Variants in HLA-DRB1 observed in about 807,000 individuals in gnomAD.
HLA-DRB1 encodes major histocompatibility complex, class II, DR beta 1.
In HLA-DRB1, 10 loss-of-function variants were observed where a neutral mutation model predicts 27.9. The ratio of observed to expected loss-of-function variants is 0.36; its 90% CI spans 0.22 to 0.61. HLA-DRB1 has a LOEUF of 0.61. Ranked by LOEUF, HLA-DRB1 falls within the 20% of genes least tolerant of loss-of-function variation. The pLI is 0.73. For synonymous variants in HLA-DRB1, 57 were observed against 126.7 expected (o/e 0.45, Z 3.69); for missense variants, 118 against 306.3 (o/e 0.39, Z 4.59).
Position 32,587,138 on chromosome 6 carries a change from T to G in HLA-DRB1, c.100+2505A>C, listed in dbSNP as rs1183302673. Among the ~76,000 whole-genome samples, 4 of 54,202 alleles carry G rather than the reference T, an allele frequency of 7.4e-5. 2 individuals carry two copies. Among genetic ancestry groups the G allele is most frequent in the African/African-American group, 2.9e-4 (4 of 13,934 alleles). 35.6% of individuals were successfully genotyped at this position (54,202 alleles called of 152,430 possible). ...TGGCTCACGCCTGTAATCCCAGCAC[T>G]TTGGGAGGCCAAGGCGGGCGGATCA... is the stretch of plus-strand genomic sequence containing the variant. On this transcript the variant is annotated intron_variant, in intron 1 of 5. Transcript: ENST00000360004.
rs200320734 is a variant in HLA-DRB1 at position 32,584,181 on chromosome 6, C to CTT, written c.297_298insAA (p.Ala100LysfsTer30). 110,027 of 876,260 alleles carry CTT rather than the reference C, an allele frequency of 0.13. 19,671 individuals carry two copies. The highest frequency in any genetic ancestry group is 0.16 in the South Asian group (10,518 of 65,028). 54.3% of individuals were successfully genotyped at this position (876,260 alleles called of 1,614,324 possible). On this transcript the variant is annotated frameshift_variant, in exon 2 of 6. Transcript: ENST00000360004. LOFTEE classifies it high-confidence loss of function. ...CAGTAGGTGTCCACCGCGGCCCGCG[C>CTT]CTGCTCCAGGATGTCCTTCTGGCTG...
intron 1 of HLA-DRB1, among the ~76,000 whole-genome samples, chr6:32,588,634 G>T (rs1776884885): frequency 1.6e-5 from 1 of 63,264 alleles, no homozygotes; most frequent in Non-Finnish European, 3.2e-5. Context: ...AGGAAATTTA[G>T]GACAAGACCC....
intron 2 of HLA-DRB1, 48 bp from the exon 3 acceptor site, chr6:32,581,886 G>T (rs41293159): frequency 0.25 from 209,413 of 833,860 alleles, 39,306 homozygotes; most frequent in African/African-American, 0.42. Context: ...GACAGAGTAA[G>T]TCTCCTGGTT....
At chr6:32,580,985 C>T (rs116660201) in intron 3 of HLA-DRB1, 129 bp from the exon 4 acceptor site, 50,499 of 538,348 alleles carry the variant, frequency 0.094, 13 homozygotes, top group Non-Finnish European at 0.11. Context: ...CTAGCCATTT[C>T]AGGAGAAAAA....
intron 2 of HLA-DRB1, among the ~76,000 whole-genome samples, chr6:32,582,423 A>T (rs41293211): frequency 0.093 from 9,331 of 100,422 alleles, 581 homozygotes; most frequent in Middle Eastern, 0.25. Context: ...ATCCTTGTAC[A>T]CCTTGACAGA....
chr6:32,582,963 T>C (rs41283792), intron 2 of HLA-DRB1, among the ~76,000 whole-genome samples: 53,457 of 131,574 alleles, frequency 0.41, 11,870 homozygotes, highest in Middle Eastern at 0.54. Flanking sequence ...TGTTGCAATA[T>C]ATTTTATTAA....
chr6:32,587,363 CAG>C (rs34497955), intron 1 of HLA-DRB1, among the ~76,000 whole-genome samples: 1,758 of 56,424 alleles, frequency 0.031, 735 homozygotes, highest in Middle Eastern at 0.054. Context: ...GCCTGGGCAA[CAG>C]AGAGAGACTC....
At chr6:32,580,688 CCA>C in intron 4 of HLA-DRB1, 56 bp downstream of exon 4, 1 of 1,310,322 alleles carries the variant, frequency 7.6e-7, no homozygotes, top group Non-Finnish European at 1.1e-6. Flanking sequence ...CTCAGCAAAG[CCA>C]TAGTTCCTCC....
intron 2 of HLA-DRB1, among the ~76,000 whole-genome samples, chr6:32,582,633 G>T: frequency 9.6e-6 from 1 of 103,660 alleles, no homozygotes; most frequent in Non-Finnish European, 2.0e-5. Context: ...GAGTCCTGAA[G>T]CAGAGAGAAG....
At chr6:32,589,505 T>C in intron 1 of HLA-DRB1, 138 bp downstream of exon 1, 1 of 384,264 alleles carries the variant, frequency 2.6e-6, no homozygotes. Flanking sequence ...GGAAATAATT[T>C]GGGATCCAAT....
At chr6:32,585,860 T>C (rs1375484981) in intron 1 of HLA-DRB1, among the ~76,000 whole-genome samples, 1 of 145,778 alleles carries the variant, frequency 6.9e-6, no homozygotes, top group African/African-American at 2.6e-5. Context: ...CAGAGATGTA[T>C]ATGTTTTTAA....
chr6:32,588,347 T>C (rs34594152), intron 1 of HLA-DRB1, among the ~76,000 whole-genome samples: 18,619 of 118,058 alleles, frequency 0.16, 1,828 homozygotes, highest in East Asian at 0.2. Flanking sequence ...CCAGCTACTC[T>C]GGAGCCTGAG....
At position 32,580,736 on chromosome 6, in the gene HLA-DRB1, G is replaced by C. The variant is rs3830129; in HGVS notation, c.763+10C>G. The C allele has an allele frequency of 3.4e-4, 497 of 1,468,870 alleles. 8 individuals carry two copies. In the Middle Eastern group the frequency reaches 3.7e-3, roughly 11 times the overall value. 91.0% of individuals were successfully genotyped at this position (1,468,870 alleles called of 1,614,324 possible). On this transcript the variant is annotated intron_variant, in intron 4 of 5. Transcript: ENST00000360004. The stretch of plus-strand genomic sequence containing the variant: ...CCTATGGAGAGAGCCAGCTCCCAAA[G>C]GCTCCTCACCTTTCTGATTCCTGAA...
intron 1 of HLA-DRB1, among the ~76,000 whole-genome samples, chr6:32,589,288 T>A (rs1323470884): frequency 4.7e-3 from 689 of 145,246 alleles, no homozygotes; most frequent in South Asian, 0.014. Context: ...AGTAAGAACC[T>A]CCTTTTGTCT....
At position 32,581,130 on chromosome 6, in the gene HLA-DRB1, G is replaced by A. The variant is rs549709520; in HGVS notation, c.653-274C>T. 9.1e-3 allele frequency among the ~76,000 whole-genome samples: 707 copies of A among 77,874 alleles called. 43 individuals are homozygous for A. Among genetic ancestry groups the A allele is most frequent in the South Asian group, 0.027 (66 of 2,478 alleles). The allele number at this position is 77,874 out of a possible 152,430, so 51.1% of individuals were successfully genotyped here. A position where few individuals can be genotyped will look rare whatever the true frequency, so the allele number is the denominator to read the frequency against. On this transcript the variant is annotated intron_variant, in intron 3 of 5. Transcript: ENST00000360004. ...GAGACTCAATGAGGATAAGTAGTTT[G>A]TCTAGAGTGACAAAGCTAATAAAAA...
At chr6:32,586,494 G>C (rs9270085) in intron 1 of HLA-DRB1, among the ~76,000 whole-genome samples, 123 of 62,854 alleles carry the variant, frequency 2.0e-3, no homozygotes, top group South Asian at 4.6e-3. Context: ...TTACACACAT[G>C]ATGTTCTCTT....
intron 1 of HLA-DRB1, among the ~76,000 whole-genome samples, chr6:32,586,858 A>G (rs1202017975): frequency 1.1e-5 from 1 of 87,554 alleles, no homozygotes; most frequent in African/African-American, 4.1e-5. Context: ...ATCCTTAGGA[A>G]TAAGCTTGAT....
intron 3 of HLA-DRB1, 37 bp downstream of exon 3, chr6:32,581,520 G>C (rs199923212): frequency 4.6e-3 from 3,511 of 765,284 alleles, no homozygotes; most frequent in Admixed American, 0.02. Flanking sequence ...CCCCTTCTTA[G>C]TGGGTGAGAA....
intron 1 of HLA-DRB1, among the ~76,000 whole-genome samples, chr6:32,586,582 T>G (rs34855963): frequency 1.8e-5 from 1 of 56,280 alleles, no homozygotes; most frequent in Non-Finnish European, 3.5e-5. Flanking sequence ...CTTCACACAA[T>G]CCATCTCCCT....
Sources: gnomAD v4.1 joint callset for allele counts (sites outside exome capture counted in the v4.1 genomes callset) on GRCh38, gnomAD v4.1.1 for gene constraint, MANE v1.5 for transcripts, NCBI Gene and HGNC (gene_info 2026-07-23, HGNC 2026-07-21) for gene names.